Variants in XPR1 observed in about 807,000 individuals in gnomAD.
XPR1 encodes solute carrier family 53 member 1.
XPR1 carries 28 observed loss-of-function variants against 87.5 expected under a neutral mutation model. The ratio of observed to expected loss-of-function variants is 0.32; its 90% CI spans 0.24 to 0.44. The LOEUF (loss-of-function observed/expected upper bound fraction) is 0.44. Ranked by LOEUF, XPR1 falls within the 20% of genes least tolerant of loss-of-function variation. The probability of loss-of-function intolerance (pLI) is 1.00; values close to 1 mark genes in which losing one functional copy is unlikely to be tolerated. For synonymous variants in XPR1, 300 were observed against 306.1 expected, an observed-to-expected ratio of 0.98 and a Z score of 0.21; for missense variants, 559 against 862.3, an observed-to-expected ratio of 0.65 and a Z score of 4.41.
At chr1:180,810,082 ATC>A (rs1177104125) in intron 6 of XPR1, among the ~76,000 whole-genome samples, 1 of 152,190 alleles carries the variant, frequency 6.6e-6, no homozygotes, top group Non-Finnish European at 1.5e-5. Context: ...CTATAAGATT[ATC>A]TCTCTCTGTG....
intron 1 of XPR1, among the ~76,000 whole-genome samples, chr1:180,637,390 A>G (rs550795382): frequency 6.6e-6 from 1 of 152,324 alleles, no homozygotes; most frequent in East Asian, 1.9e-4. Flanking sequence ...CCATAACAGT[A>G]ATACCAATAA....
intron 1 of XPR1, among the ~76,000 whole-genome samples, chr1:180,638,339 G>T (rs1412210387): frequency 7.2e-5 from 11 of 152,092 alleles, no homozygotes; most frequent in Non-Finnish European, 8.8e-5. Flanking sequence ...TTTAAATAGG[G>T]ATTTGACATA....
chr1:180,732,633 G>A (rs1179721498), intron 2 of XPR1, among the ~76,000 whole-genome samples: 1 of 152,226 alleles, frequency 6.6e-6, no homozygotes, highest in East Asian at 1.9e-4. Flanking sequence ...GCGTACAGAT[G>A]GTCACGTTGT....
At chr1:180,756,422 C>T (rs1030991533) in intron 2 of XPR1, among the ~76,000 whole-genome samples, 1 of 152,118 alleles carries the variant, frequency 6.6e-6, no homozygotes, top group African/African-American at 2.4e-5. Flanking sequence ...TGCTTATTAG[C>T]CATTTTTATT....
intron 11 of XPR1, among the ~76,000 whole-genome samples, chr1:180,838,721 A>G (rs1015779992): frequency 6.6e-6 from 1 of 152,190 alleles, no homozygotes; most frequent in African/African-American, 2.4e-5. Flanking sequence ...AAACTGCTAA[A>G]TATTTCTATT....
intron 1 of XPR1, among the ~76,000 whole-genome samples, chr1:180,648,268 G>A (rs1346605178): frequency 6.6e-6 from 1 of 152,150 alleles, no homozygotes; most frequent in Admixed American, 6.5e-5. Context: ...CTGAGAATTT[G>A]TAGCAGCAGA....
At chr1:180,658,128 G>T (rs1655601991) in intron 1 of XPR1, among the ~76,000 whole-genome samples, 2 of 152,132 alleles carry the variant, frequency 1.3e-5, no homozygotes, top group South Asian at 4.1e-4. Context: ...ATTTTTGCAT[G>T]TCGATTTTGT....
chr1:180,669,120 T>G (rs1189888150), intron 1 of XPR1, among the ~76,000 whole-genome samples: 2 of 151,826 alleles, frequency 1.3e-5, no homozygotes, highest in Non-Finnish European at 2.9e-5. Flanking sequence ...CTATTGAGGC[T>G]TAATTTCTGG....
intron 14 of XPR1, among the ~76,000 whole-genome samples, chr1:180,881,289 G>A (rs912915218): frequency 3.3e-5 from 5 of 151,858 alleles, no homozygotes; most frequent in South Asian, 4.2e-4. Context: ...TCAGCCTCCC[G>A]AGTAGCTGGG....
chr1:180,692,688 A>G (rs1225187886), intron 2 of XPR1, among the ~76,000 whole-genome samples: 1 of 152,194 alleles, frequency 6.6e-6, no homozygotes, highest in Non-Finnish European at 1.5e-5. Context: ...TGTACTTCTG[A>G]AGAACAAATA....
At chr1:180,673,682 G>A (rs1157087153) in intron 1 of XPR1, among the ~76,000 whole-genome samples, 1 of 152,200 alleles carries the variant, frequency 6.6e-6, no homozygotes, top group East Asian at 1.9e-4. Flanking sequence ...AGGGATCTAG[G>A]TTGTGTGCTT....
rs568457222 is a variant in XPR1 at position 180,885,842 on chromosome 1, G to A, written c.*1776G>A. ...TTACAAGTCTTGACCCATCCCTGTC[G>A]TAACTCCAGTAAAAGTTACTGTTAC... is the stretch of plus-strand genomic sequence containing the variant. On this transcript the variant is annotated 3_prime_UTR_variant, in exon 15 of 15. Coordinates refer to ENST00000367590, the MANE Select transcript of XPR1 (RefSeq NM_004736.4). The A allele has an allele frequency of 1.3e-5, 2 of 152,214 alleles. No individual in the cohort carries two copies. Among genetic ancestry groups the A allele is most frequent in the South Asian group, 2.1e-4 (1 of 4,824 alleles). The allele number at this position is 152,214 out of a possible 1,614,324, so 9.4% of individuals were successfully genotyped here.
At chr1:180,830,426 A>G (rs1389231502) in intron 9 of XPR1, among the ~76,000 whole-genome samples, 1 of 152,208 alleles carries the variant, frequency 6.6e-6, no homozygotes, top group African/African-American at 2.4e-5. Flanking sequence ...CAAAGCTCCA[A>G]GAAAGTACCC....
intron 11 of XPR1, among the ~76,000 whole-genome samples, chr1:180,841,188 T>C (rs1375306516): frequency 6.6e-6 from 1 of 152,182 alleles, no homozygotes; most frequent in Non-Finnish European, 1.5e-5. Context: ...CACAGGTCTC[T>C]AACTCAGTCT....
intron 2 of XPR1, among the ~76,000 whole-genome samples, chr1:180,693,398 C>T (rs1203398510): frequency 6.6e-6 from 1 of 152,156 alleles, no homozygotes; most frequent in Admixed American, 6.5e-5. Context: ...ATTCCTGCCA[C>T]TGAAATGGAA....
chr1:180,683,535 C>T (rs1656660166), intron 2 of XPR1, among the ~76,000 whole-genome samples: 1 of 152,146 alleles, frequency 6.6e-6, no homozygotes, highest in Non-Finnish European at 1.5e-5. Context: ...CCTGAGGAAT[C>T]ACCACACCGA....
intron 14 of XPR1, among the ~76,000 whole-genome samples, chr1:180,883,421 T>G (rs1652905529): frequency 6.6e-6 from 1 of 151,990 alleles, no homozygotes; most frequent in Non-Finnish European, 1.5e-5. Context: ...AAAATCAAAG[T>G]CAGGTGGCCA....
At chr1:180,658,742 T>C (rs1361349222) in intron 1 of XPR1, among the ~76,000 whole-genome samples, 1 of 150,498 alleles carries the variant, frequency 6.6e-6, no homozygotes, top group African/African-American at 2.5e-5. Flanking sequence ...TTTTTTTTTT[T>C]GTATTTTTAG....
chr1:180,733,045 A>G (rs576611812), intron 2 of XPR1, among the ~76,000 whole-genome samples: 9 of 152,242 alleles, frequency 5.9e-5, no homozygotes, highest in East Asian at 1.9e-4. Context: ...GTGCCGGTGC[A>G]TGTCGGTGCA....
Sources: gnomAD v4.1 joint callset for allele counts (sites outside exome capture counted in the v4.1 genomes callset) on GRCh38, gnomAD v4.1.1 for gene constraint, MANE v1.5 for transcripts, NCBI Gene and HGNC (gene_info 2026-07-23, HGNC 2026-07-21) for gene names.